Variants in RPGRIP1L observed in about 807,000 individuals in gnomAD.
The protein encoded by RPGRIP1L is RPGRIP1 like, also known as protein fantom.
Under a neutral mutation model 160.4 loss-of-function variants are expected in RPGRIP1L, and 131 were observed. That is an observed-to-expected ratio of 0.82 (90% CI 0.71 to 0.94). The LOEUF (loss-of-function observed/expected upper bound fraction) is 0.94. RPGRIP1L is among the 40% of genes least tolerant of loss of function. The pLI, the probability that RPGRIP1L is intolerant of heterozygous loss-of-function variation, is 0.00. For missense variants in RPGRIP1L, 1,522 were observed against 1,535.8 expected (o/e 0.99, Z 0.15); for synonymous variants, 510 against 515.8 (o/e 0.99, Z 0.15).
intron 22 of RPGRIP1L, among the ~76,000 whole-genome samples, chr16:53,627,763 GATTT>G (rs1296127284): frequency 6.6e-6 from 1 of 151,802 alleles, no homozygotes; most frequent in Non-Finnish European, 1.5e-5. Context: ...ATATTTTTGA[GATTT>G]ATCACATTTA....
intron 9 of RPGRIP1L, among the ~76,000 whole-genome samples, chr16:53,665,567 A>T (rs1968169877): frequency 6.6e-6 from 1 of 152,230 alleles, no homozygotes; most frequent in Non-Finnish European, 1.5e-5. Flanking sequence ...AACAAAAAAC[A>T]ATAGGCTAAA....
Position 53,602,183 on chromosome 16 carries a change from CA to C in RPGRIP1L, c.3840del (p.Phe1280LeufsTer15). 3 of 1,610,232 alleles carry C rather than the reference CA, an allele frequency of 1.9e-6. No homozygotes were observed. The highest frequency in any genetic ancestry group is 1.1e-5 in the South Asian group (1 of 90,942). ...ATACCTTCACCATCTGCTCGTGCAT[CA>C]AAAACTAGGGAGAAAAGAGCAGGAA... ...RDLIEQNIDV[F>X]DARADGEGIG... is the part of the protein sequence containing the mutation. On this transcript the variant is annotated frameshift_variant, in exon 27 of 27. Coordinates refer to ENST00000647211, the MANE Select transcript of RPGRIP1L (RefSeq NM_015272.5). LOFTEE classifies it high-confidence loss of function.
chr16:53,616,147 C>A (rs1207596327), intron 24 of RPGRIP1L, among the ~76,000 whole-genome samples: 1 of 152,108 alleles, frequency 6.6e-6, no homozygotes, highest in East Asian at 1.9e-4. Flanking sequence ...ACTAATTGTC[C>A]TCTAAATTAT....
chr16:53,631,050 A>C (rs886826553), intron 22 of RPGRIP1L, among the ~76,000 whole-genome samples: 2 of 152,172 alleles, frequency 1.3e-5, no homozygotes, highest in African/African-American at 4.8e-5. Context: ...ATATATTTTA[A>C]AACCTACTCT....
chr16:53,635,561 A>G (rs889545515), intron 22 of RPGRIP1L: 2 of 152,366 alleles, frequency 1.3e-5, no homozygotes, highest in African/African-American at 4.8e-5. Flanking sequence ...CTGTGCTCAC[A>G]TGATCCTCCT....
Position 53,601,919 on chromosome 16 carries a change from G to C in RPGRIP1L, c.*157C>G. Reference sequence around the variant, plus strand: ...AATAGAGAAATAAACAAATGAAAAAGTATACAAAACTTCAACACTTCAAAC... The same window carrying C: ...AATAGAGAAATAAACAAATGAAAAACTATACAAAACTTCAACACTTCAAAC... On this transcript the variant is annotated 3_prime_UTR_variant, in exon 27 of 27. Coordinates refer to ENST00000647211, the MANE Select transcript of RPGRIP1L (RefSeq NM_015272.5). 1.5e-6 allele frequency: 1 copy of C among 646,704 alleles called. No homozygotes were observed. Among genetic ancestry groups the C allele is most frequent in the Non-Finnish European group, 2.8e-6 (1 of 355,192 alleles). The allele number at this position is 646,704 out of a possible 1,614,324, so 40.1% of individuals were successfully genotyped here.
intron 16 of RPGRIP1L, among the ~76,000 whole-genome samples, chr16:53,648,607 C>T (rs981629629): frequency 1.5e-4 from 13 of 84,614 alleles, no homozygotes; most frequent in Middle Eastern, 6.1e-3. Flanking sequence ...CATATACGTA[C>T]GCGCGTGCGC....
At chr16:53,622,510 T>A (rs1400167541) in intron 22 of RPGRIP1L, among the ~76,000 whole-genome samples, 154 bp from the exon 23 acceptor site, 1 of 151,974 alleles carries the variant, frequency 6.6e-6, no homozygotes, top group African/African-American at 2.4e-5. Context: ...GCCGATGACA[T>A]CACCATCCAC....
At chr16:53,650,592 C>A (rs922470006) in intron 15 of RPGRIP1L, among the ~76,000 whole-genome samples, 3 of 152,048 alleles carry the variant, frequency 2.0e-5, no homozygotes, top group Non-Finnish European at 2.9e-5. Context: ...AAACAAAAAT[C>A]TTTGAAAGAA....
At position 53,694,452 on chromosome 16, in the gene RPGRIP1L, A is replaced by AT. The variant is rs1168384676; in HGVS notation, c.230+1698dup. 9 of 151,022 alleles carry AT rather than the reference A, an allele frequency of 6.0e-5. No homozygotes were observed. In the South Asian group the frequency reaches 6.3e-4, roughly 11 times the overall value. 9.4% of individuals were successfully genotyped at this position (151,022 alleles called of 1,614,324 possible). A position where few individuals can be genotyped will look rare whatever the true frequency, so the allele number is the denominator to read the frequency against. On this transcript the variant is annotated intron_variant, in intron 3 of 26. Transcript: ENST00000647211. ...CCTCTCAAAAAAAAAAAAAAAAAAA[A>AT]TTAAAAAATAAAAAGGTAGTTTATA...
At chr16:53,686,859 T>C (rs572511893) in intron 5 of RPGRIP1L, among the ~76,000 whole-genome samples, 52 of 152,334 alleles carry the variant, frequency 3.4e-4, no homozygotes, top group Non-Finnish European at 5.4e-4. Context: ...GTACACCTAC[T>C]ATGTATGCCA....
intron 23 of RPGRIP1L, among the ~76,000 whole-genome samples, chr16:53,621,976 T>C (rs1267936792): frequency 2.2e-5 from 3 of 134,556 alleles, no homozygotes; most frequent in East Asian, 4.7e-4. Flanking sequence ...TGAGCCGAGA[T>C]TGCGTTACTG....
intron 22 of RPGRIP1L, among the ~76,000 whole-genome samples, chr16:53,629,231 G>C (rs914915840): frequency 3.3e-5 from 5 of 152,274 alleles, no homozygotes; most frequent in African/African-American, 1.2e-4. Context: ...GGTGGAGCCT[G>C]GGCCCTGGCA....
intron 6 of RPGRIP1L, among the ~76,000 whole-genome samples, chr16:53,684,788 A>G (rs1329017877): frequency 6.6e-6 from 1 of 152,040 alleles, no homozygotes; most frequent in Non-Finnish European, 1.5e-5. Flanking sequence ...GATATCATTC[A>G]GCATATAGGC....
At position 53,664,918 on chromosome 16, in the gene RPGRIP1L, C is replaced by A. The variant is rs1352854864; in HGVS notation, c.1195G>T (p.Asp399Tyr). The A allele has an allele frequency of 6.2e-7, 1 of 1,612,988 alleles. No individual in the cohort carries two copies. Among genetic ancestry groups the A allele is most frequent in the Non-Finnish European group, 8.5e-7 (1 of 1,179,904 alleles). The stretch of plus-strand genomic sequence containing the variant: ...AGGATTTCAGTTTTGTCTGTTAAGT[C>A]AGACTTCAAGGCAGTCTCGAGCTGA... ...IAQLETALKS[D>Y]LTDKTEILDR... The change falls in exon 10 of 27, where the codon GAC (aspartate) becomes TAC (tyrosine). Residue 399 changes from aspartate (D) to tyrosine (Y), a missense_variant. By Grantham distance (160) the Asp-to-Tyr change is radical. Coordinates refer to ENST00000647211, the MANE Select transcript of RPGRIP1L (RefSeq NM_015272.5).
intron 4 of RPGRIP1L, among the ~76,000 whole-genome samples, chr16:53,689,062 C>CTATA (rs149697924): frequency 1.4e-5 from 2 of 146,620 alleles, no homozygotes; most frequent in African/African-American, 5.0e-5. Context: ...TTGCCAATGG[C>CTATA]TATATATATA....
chr16:53,616,808 G>A (rs560461148), intron 24 of RPGRIP1L, among the ~76,000 whole-genome samples: 19 of 151,908 alleles, frequency 1.3e-4, no homozygotes, highest in African/African-American at 3.4e-4. Flanking sequence ...ATGGTGGCTC[G>A]CACCTGTAAT....
rs543187857 is a variant in RPGRIP1L at position 53,633,898 on chromosome 16, CTAAAGTAG to C, written c.3294+2533_3294+2540del. Reference sequence around the variant, plus strand: ...TCTATTATTCATATTAAATGATTTGCTAAAGTAGTACACACAAAAACTGGTAAAATCAA... The same window carrying C: ...TCTATTATTCATATTAAATGATTTGCTACACACAAAAACTGGTAAAATCAA... On this transcript the variant is annotated intron_variant, in intron 22 of 26. Coordinates refer to ENST00000647211, the MANE Select transcript of RPGRIP1L (RefSeq NM_015272.5). Among the ~76,000 whole-genome samples the C allele has an allele frequency of 2.7e-4, 41 of 152,260 alleles. 1 individual carries two copies. The South Asian group carries it at 4.1e-3, about 15-fold the overall frequency.
Position 53,683,084 on chromosome 16 carries a change from C to G in RPGRIP1L, c.776+3349G>C, listed in dbSNP as rs143266781. Among the ~76,000 whole-genome samples, 189 of 150,902 alleles carry G rather than the reference C, an allele frequency of 1.3e-3. 2 individuals carry two copies. In the East Asian group the frequency reaches 0.028, roughly 22 times the overall value. ...AAGCTTCTTATATATTTTTAGCCCA[C>G]TTTTTTTTTAACAAGTCTGATATTA... On this transcript the variant is annotated intron_variant, in intron 6 of 26. Coordinates refer to ENST00000647211, the MANE Select transcript of RPGRIP1L (RefSeq NM_015272.5).
Sources: gnomAD v4.1 joint callset for allele counts (sites outside exome capture counted in the v4.1 genomes callset) on GRCh38, gnomAD v4.1.1 for gene constraint, MANE v1.5 for transcripts, NCBI Gene and HGNC (gene_info 2026-07-23, HGNC 2026-07-21) for gene names.